FMO4: variants seen among roughly 807,000 people sequenced by gnomAD.
FMO4 encodes the protein flavin containing dimethylaniline monoxygenase 4, also known as dimethylaniline monooxygenase [N-oxide-forming] 4.
FMO4 carries 38 observed loss-of-function variants against 43.3 expected under a neutral mutation model. The ratio of observed to expected loss-of-function variants is 0.88; its 90% CI spans 0.68 to 1.15. The LOEUF (loss-of-function observed/expected upper bound fraction) is 1.15. FMO4 is among the 50% of genes most tolerant of loss of function. The pLI, the probability that FMO4 is intolerant of heterozygous loss-of-function variation, is 0.00. For missense variants in FMO4, 631 were observed against 663.3 expected, an observed-to-expected ratio of 0.95 and a Z score of 0.54; for synonymous variants, 224 against 232.2, an observed-to-expected ratio of 0.96 and a Z score of 0.32.
At chr1:171,319,772 C>T (rs1662328328) in intron 2 of FMO4, 46 bp from the exon 3 acceptor site, 11 of 1,594,308 alleles carry the variant, frequency 6.9e-6, no homozygotes, top group Non-Finnish European at 9.4e-6. Flanking sequence ...GGGCTCCCTT[C>T]CAAACTTATT....
At chr1:171,328,119 C>T (rs1305796098) in intron 5 of FMO4, among the ~76,000 whole-genome samples, 2 of 152,090 alleles carry the variant, frequency 1.3e-5, no homozygotes, top group Non-Finnish European at 2.9e-5. Flanking sequence ...CAGCTTGCTG[C>T]GACCTCCACC....
At chr1:171,318,327 A>ATAATAATAATAATAATAATAG (rs1662275686) in intron 2 of FMO4, among the ~76,000 whole-genome samples, 3 of 151,286 alleles carry the variant, frequency 2.0e-5, no homozygotes, top group African/African-American at 7.3e-5. Flanking sequence ...AATAATAATA[A>ATAATAATAATAATAATAATAG]TAATAATAAT....
intron 7 of FMO4, among the ~76,000 whole-genome samples, chr1:171,333,917 G>A (rs1030375225): frequency 3.3e-5 from 5 of 151,972 alleles, no homozygotes; most frequent in African/African-American, 4.8e-5. Flanking sequence ...TGCCCTCCCC[G>A]GGCTCAAGTG....
At chr1:171,319,673 C>G (rs903558442) in intron 2 of FMO4, 145 bp from the exon 3 acceptor site, 18 of 644,016 alleles carry the variant, frequency 2.8e-5, no homozygotes, top group Non-Finnish European at 3.4e-5. Flanking sequence ...ATTTCAGAGC[C>G]TGGATTTTTA....
intron 7 of FMO4, 65 bp downstream of exon 7, chr1:171,332,973 G>C (rs985025933): frequency 3.4e-5 from 28 of 812,682 alleles, no homozygotes; most frequent in Non-Finnish European, 5.5e-5. Flanking sequence ...ATTTTATTCA[G>C]AATTCAAAAT....
intron 3 of FMO4, 97 bp downstream of exon 3, chr1:171,320,054 G>A (rs1223180658): frequency 3.0e-6 from 4 of 1,312,058 alleles, no homozygotes; most frequent in African/African-American, 1.4e-5. Context: ...AAGTAAGGGA[G>A]TGGCTTACTG....
At chr1:171,317,228 C>G (rs1662233575) in intron 2 of FMO4, among the ~76,000 whole-genome samples, 1 of 152,200 alleles carries the variant, frequency 6.6e-6, no homozygotes, top group Non-Finnish European at 1.5e-5. Flanking sequence ...AATATATGCT[C>G]TCTTGTTTCC....
intron 9 of FMO4, among the ~76,000 whole-genome samples, chr1:171,339,392 A>G (rs1663261260): frequency 6.6e-6 from 1 of 152,184 alleles, no homozygotes; most frequent in Non-Finnish European, 1.5e-5. Flanking sequence ...CTGAATAAGC[A>G]TCTCCAGGAT....
chr1:171,322,931 T>G (rs2101882657), intron 3 of FMO4, 73 bp from the exon 4 acceptor site: 308 of 1,118,132 alleles, frequency 2.8e-4, no homozygotes, highest in Non-Finnish European at 3.9e-4. Flanking sequence ...GAGGCTAGCA[T>G]GAGCCACCAT....
chr1:171,331,527 G>C, intron 5 of FMO4, 113 bp from the exon 6 acceptor site: 1 of 952,444 alleles, frequency 1.0e-6, no homozygotes, highest in Non-Finnish European at 1.6e-6. Flanking sequence ...AGCAGCATAA[G>C]CAAAGGACTG....
At position 171,337,428 on chromosome 1, in the gene FMO4, A is replaced by G; in HGVS notation, c.1250+3A>G. ...GAAAAGGAACAGCTCATTAAAAGGT[A>G]TGAAATGTAGCTTGCTCTAGGGCAA... On this transcript the variant is annotated splice_donor_region_variant and intron_variant, in intron 9 of 9. Coordinates refer to ENST00000367749, the MANE Select transcript of FMO4 (RefSeq NM_002022.3). 3 of 1,602,744 alleles carry G rather than the reference A, an allele frequency of 1.9e-6. No individual in the cohort carries two copies. Among genetic ancestry groups the G allele is most frequent in the Non-Finnish European group, 2.6e-6 (3 of 1,169,728 alleles).
chr1:171,323,750 G>A (rs1662536007), intron 4 of FMO4, among the ~76,000 whole-genome samples: 1 of 151,960 alleles, frequency 6.6e-6, no homozygotes, highest in South Asian at 2.1e-4. Context: ...TTTTTTAAGA[G>A]AGAAAAAAAG....
intron 3 of FMO4, among the ~76,000 whole-genome samples, chr1:171,320,976 G>A (rs906513111): frequency 1.3e-5 from 2 of 151,992 alleles, no homozygotes; most frequent in Non-Finnish European, 2.9e-5. Flanking sequence ...TCTGATGGAT[G>A]ATGAATAAAA....
In FMO4 at chr1:171,333,602, G is replaced by A. The variant is rs1342114360; in HGVS notation, c.827+694G>A. Among the ~76,000 whole-genome samples the A allele has an allele frequency of 3.3e-5, 5 of 152,086 alleles. No individual in the cohort carries two copies. In the East Asian group the frequency reaches 9.7e-4, roughly 29 times the overall value. On this transcript the variant is annotated intron_variant, in intron 7 of 9. Coordinates refer to ENST00000367749, the MANE Select transcript of FMO4 (RefSeq NM_002022.3). ...AGAAAGCCTTTGAAAAGCACGTAAG[G>A]TCATTAAATATGATTTTTATTATAC...
chr1:171,331,904 G>GAAAA, intron 6 of FMO4, 122 bp downstream of exon 6: 10 of 665,482 alleles, frequency 1.5e-5, no homozygotes, highest in South Asian at 2.5e-5. Flanking sequence ...CAGTAAGTGG[G>GAAAA]AAAAAAAAAA....
intron 1 of FMO4, among the ~76,000 whole-genome samples, chr1:171,315,120 C>A (rs762823553): frequency 2.0e-5 from 3 of 152,122 alleles, no homozygotes; most frequent in Non-Finnish European, 4.4e-5. Context: ...GGTGAAACCC[C>A]GTCTCTACTA....
chr1:171,338,169 A>G (rs555923931), intron 9 of FMO4, among the ~76,000 whole-genome samples: 4 of 152,100 alleles, frequency 2.6e-5, no homozygotes, highest in South Asian at 2.1e-4. Context: ...CTCACATCCC[A>G]TATCGGCAAA....
At chr1:171,322,314 G>A (rs1022090554) in intron 3 of FMO4, among the ~76,000 whole-genome samples, 17 of 152,202 alleles carry the variant, frequency 1.1e-4, no homozygotes, top group Admixed American at 3.3e-4. Context: ...AAAGGAACAT[G>A]TCCAGGGCAT....
chr1:171,324,697 C>T (rs992893098), intron 5 of FMO4, among the ~76,000 whole-genome samples: 3 of 151,508 alleles, frequency 2.0e-5, no homozygotes, highest in African/African-American at 7.3e-5. Flanking sequence ...TTTAAAGAAA[C>T]AAACCAGAAA....
Sources: allele counts gnomAD v4.1 joint callset (sites outside exome capture counted in the v4.1 genomes callset), GRCh38; gene constraint gnomAD v4.1.1; transcripts MANE v1.5; gene names NCBI Gene and HGNC (gene_info 2026-07-23, HGNC 2026-07-21).